The following AGAP6 variants were observed in gnomAD, a reference collection of about 807,000 sequenced individuals.
AGAP6 encodes arf-GAP with GTPase, ANK repeat and PH domain-containing protein 6.
In AGAP6, 29 loss-of-function variants were observed where a neutral mutation model predicts 63.9. That is an observed-to-expected ratio of 0.45 (90% CI 0.34 to 0.62). The LOEUF (loss-of-function observed/expected upper bound fraction) is 0.62, where lower values mean the gene tolerates loss of function less well. AGAP6 is among the 20% of genes least tolerant of loss of function. The pLI, the probability that AGAP6 is intolerant of heterozygous loss-of-function variation, is 0.01. For synonymous variants in AGAP6, 199 were observed against 332.9 expected, an observed-to-expected ratio of 0.60 and a Z score of 4.38; for missense variants, 493 against 884.9, an observed-to-expected ratio of 0.56 and a Z score of 5.62.
intron 4 of AGAP6, among the ~76,000 whole-genome samples, chr10:49,995,146 C>T (rs1248367908): frequency 6.6e-6 from 1 of 152,026 alleles, no homozygotes; most frequent in Non-Finnish European, 1.5e-5. Flanking sequence ...CCAATTGTAG[C>T]ACACTTTTTA....
intron 4 of AGAP6, among the ~76,000 whole-genome samples, chr10:50,001,435 TTTG>T (rs1841694527): frequency 1.5e-5 from 2 of 134,844 alleles, no homozygotes; most frequent in East Asian, 2.2e-4. Flanking sequence ...TTTTTTTTTT[TTTG>T]AGACGGAGTC....
intron 3 of AGAP6, among the ~76,000 whole-genome samples, chr10:49,993,918 C>T (rs1452252015): frequency 6.6e-6 from 1 of 151,836 alleles, no homozygotes; most frequent in East Asian, 1.9e-4. Flanking sequence ...TAGTAGATAA[C>T]CACTAAGTGT....
intron 6 of AGAP6, among the ~76,000 whole-genome samples, chr10:50,004,952 T>C (rs1841858071): frequency 6.6e-6 from 1 of 152,250 alleles, no homozygotes; most frequent in Non-Finnish European, 1.5e-5. Context: ...TGTGGTAGAA[T>C]TATACAGTTG....
At chr10:50,004,746 T>A (rs1841844874) in intron 6 of AGAP6, 26 bp downstream of exon 6, 1 of 870,436 alleles carries the variant, frequency 1.1e-6, no homozygotes, top group East Asian at 2.6e-5. Flanking sequence ...ACCTGTCTTG[T>A]TATTCTAGCT....
chr10:50,004,955 T>C (rs1841858274), intron 6 of AGAP6, among the ~76,000 whole-genome samples: 1 of 152,262 alleles, frequency 6.6e-6, no homozygotes, highest in African/African-American at 2.4e-5. Flanking sequence ...GGTAGAATTA[T>C]ACAGTTGAAA....
At chr10:49,993,306 G>T (rs1358295017) in intron 3 of AGAP6, among the ~76,000 whole-genome samples, 1 of 152,124 alleles carries the variant, frequency 6.6e-6, no homozygotes, top group Non-Finnish European at 1.5e-5. Flanking sequence ...CATGGAAGCA[G>T]TAAAAGAAAA....
intron 5 of AGAP6, 93 bp downstream of exon 5, chr10:50,002,189 T>C: frequency 7.9e-7 from 1 of 1,261,094 alleles, no homozygotes; most frequent in South Asian, 1.3e-5. Flanking sequence ...GTTTAAGAAA[T>C]TGGAGTCAAC....
chr10:49,994,263 A>C (rs1841395802), intron 3 of AGAP6, 132 bp from the exon 4 acceptor site: 2 of 1,041,942 alleles, frequency 1.9e-6, no homozygotes, highest in South Asian at 1.8e-5. Context: ...TTAAATTATA[A>C]ATTATTGAAA....
In AGAP6 at chr10:49,992,616, A is replaced by G. The variant is rs534679708; in HGVS notation, c.361+872A>G. ...AAAAAGATGTTTAACTGGCTCAAAG[A>G]TTTTCAGGCTGTACAAACATGGCTT... is the stretch of plus-strand genomic sequence containing the variant. On this transcript the variant is annotated intron_variant, in intron 3 of 7. Coordinates refer to ENST00000412531, the MANE Select transcript of AGAP6 (RefSeq NM_001077665.3). Among the ~76,000 whole-genome samples the G allele has an allele frequency of 3.9e-5, 6 of 152,258 alleles. No homozygotes were observed. The South Asian group carries it at 1.0e-3, about 26-fold the overall frequency.
intron 2 of AGAP6, among the ~76,000 whole-genome samples, chr10:49,990,371 G>T (rs1223140652): frequency 6.6e-6 from 1 of 152,206 alleles, no homozygotes; most frequent in Non-Finnish European, 1.5e-5. Flanking sequence ...CTTGGACCTG[G>T]GAGGTGGAGG....
At chr10:49,997,926 A>ACTTC (rs1324934275) in intron 4 of AGAP6, among the ~76,000 whole-genome samples, 3 of 123,604 alleles carry the variant, frequency 2.4e-5, no homozygotes, top group African/African-American at 8.7e-5. Flanking sequence ...TAATAGTCTT[A>ACTTC]CTTCCATCCA....
chr10:49,989,035 C>G, intron 1 of AGAP6, 97 bp downstream of exon 1: 2 of 1,596,998 alleles, frequency 1.3e-6, no homozygotes, highest in South Asian at 2.2e-5. Context: ...GAGCTCCTTT[C>G]TGCTTGTAGC....
At chr10:50,008,188 C>A in intron 7 of AGAP6, 112 bp downstream of exon 7, 1 of 1,572,020 alleles carries the variant, frequency 6.4e-7, no homozygotes. Context: ...TGCATTTAGT[C>A]ATCTTAAGTG....
chr10:50,004,041 T>C (rs2132152137), intron 5 of AGAP6, among the ~76,000 whole-genome samples: 1 of 152,316 alleles, frequency 6.6e-6, no homozygotes, highest in African/African-American at 2.4e-5. Context: ...CAAAATTAGC[T>C]GGGCGTGGTG....
At chr10:49,995,815 ATTTTATGGTTCTGAAGACATT>A (rs1841461892) in intron 4 of AGAP6, among the ~76,000 whole-genome samples, 1 of 152,194 alleles carries the variant, frequency 6.6e-6, no homozygotes, top group Non-Finnish European at 1.5e-5. Context: ...TTGAATCTAA[ATTTTATGGTTCTGAAGACATT>A]TTGCAGCTGT....
At chr10:50,006,145 C>T (rs1227088357) in intron 6 of AGAP6, among the ~76,000 whole-genome samples, 1 of 152,046 alleles carries the variant, frequency 6.6e-6, no homozygotes, top group Non-Finnish European at 1.5e-5. Flanking sequence ...GGATCTTTTG[C>T]TCCATACTTG....
chr10:49,994,888 G>A (rs1394576336), intron 4 of AGAP6, among the ~76,000 whole-genome samples: 1 of 150,784 alleles, frequency 6.6e-6, no homozygotes, highest in African/African-American at 2.4e-5. Flanking sequence ...CTTGAACCCA[G>A]GAGGCGGAGG....
At chr10:50,001,421 CTT>C (rs1158013781) in intron 4 of AGAP6, among the ~76,000 whole-genome samples, 5 of 86,286 alleles carry the variant, frequency 5.8e-5, no homozygotes, top group Admixed American at 4.4e-4. Flanking sequence ...TTAAACTTTT[CTT>C]TTTTTTTTTT....
rs1841969297 is a variant in AGAP6, at chr10:50,007,896, A to G, written c.534-129A>G. ...GAAACCCTCTGCAAGTCAGGATCCA[A>G]TAGAAGAATTCATAAAAACTGCTTT... On this transcript the variant is annotated intron_variant, in intron 6 of 7. Transcript: ENST00000412531. 3.9e-6 allele frequency: 6 copies of G among 1,554,586 alleles called. 1 individual carries two copies. The South Asian group carries it at 4.6e-5, about 12-fold the overall frequency.
Sources: gnomAD v4.1 joint callset for allele counts (sites outside exome capture counted in the v4.1 genomes callset) on GRCh38, gnomAD v4.1.1 for gene constraint, MANE v1.5 for transcripts, NCBI Gene and HGNC (gene_info 2026-07-23, HGNC 2026-07-21) for gene names.